Variants in MYH7B observed in about 807,000 individuals in gnomAD.
MYH7B encodes the protein myosin heavy chain 7B.
MYH7B carries 205 observed loss-of-function variants against 234.5 expected under a neutral mutation model. The observed-to-expected ratio is 0.87, with a 90% CI of 0.78 to 0.98. The LOEUF (loss-of-function observed/expected upper bound fraction) is 0.98. MYH7B is among the 50% of genes least tolerant of loss of function. MYH7B has a pLI of 0.00. For missense variants in MYH7B, 2,652 were observed against 2,633.4 expected, an observed-to-expected ratio of 1.01 and a Z score of -0.15; for synonymous variants, 1,193 against 1,105.0, an observed-to-expected ratio of 1.08 and a Z score of -1.58.
chr20:34,965,284 G>GGCATCAT (rs1309323662), intron 2 of MYH7B, among the ~76,000 whole-genome samples: 2 of 152,246 alleles, frequency 1.3e-5, no homozygotes, highest in East Asian at 3.8e-4. Context: ...AGAACTCTTA[G>GGCATCAT]GCATCATGCT....
At chr20:34,983,910 G>A (rs547563605) in intron 10 of MYH7B, among the ~76,000 whole-genome samples, 9 of 152,316 alleles carry the variant, frequency 5.9e-5, no homozygotes, top group Admixed American at 3.3e-4. Context: ...CCCAGCATCC[G>A]GAGTAGGGAA....
At chr20:34,979,268 G>A (rs1020082156) in intron 5 of MYH7B, 122 bp from the exon 6 acceptor site, 4 of 708,412 alleles carry the variant, frequency 5.6e-6, no homozygotes, top group African/African-American at 5.4e-5. Context: ...GAACTCCTGG[G>A]TCCTGGCAGA....
At chr20:34,994,954 G>A (rs2082225041) in intron 27 of MYH7B, among the ~76,000 whole-genome samples, 1 of 152,204 alleles carries the variant, frequency 6.6e-6, no homozygotes, top group Non-Finnish European at 1.5e-5. Flanking sequence ...GGAAATGGGG[G>A]GTAAGGATAC....
At chr20:34,957,124 G>A (rs2081645653) in intron 1 of MYH7B, among the ~76,000 whole-genome samples, 1 of 152,192 alleles carries the variant, frequency 6.6e-6, no homozygotes, top group African/African-American at 2.4e-5. Context: ...CAGACACTGA[G>A]GAGTTTGGTG....
At chr20:34,982,281 T>C (rs1330071602) in intron 9 of MYH7B, among the ~76,000 whole-genome samples, 178 bp from the exon 10 acceptor site, 2 of 151,952 alleles carry the variant, frequency 1.3e-5, no homozygotes, top group East Asian at 3.9e-4. Flanking sequence ...TGTGTTGTCA[T>C]CTCACAGGGA....
chr20:34,989,482 G>T (rs1241366466), intron 19 of MYH7B, among the ~76,000 whole-genome samples: 3 of 152,116 alleles, frequency 2.0e-5, no homozygotes, highest in Non-Finnish European at 4.4e-5. Context: ...TGCCAGCTTG[G>T]GTTTGCCATT....
At chr20:34,997,523 G>A (rs1229325490) in exon 32 of MYH7B, 2 of 1,605,448 alleles carry the variant, frequency 1.2e-6, no homozygotes, top group African/African-American at 1.3e-5. Context: ...CGGCGGAGCT[G>A]GGGGAGCAGG....
intron 5 of MYH7B, among the ~76,000 whole-genome samples, chr20:34,978,750 G>A (rs2081896020): frequency 6.6e-6 from 1 of 152,158 alleles, no homozygotes; most frequent in Non-Finnish European, 1.5e-5. Context: ...TTTTCAACAA[G>A]GGGACCCACA....
At chr20:34,980,386 T>C (rs2081923780) in intron 7 of MYH7B, 192 bp from the exon 8 acceptor site, 3 of 575,964 alleles carry the variant, frequency 5.2e-6, no homozygotes, top group African/African-American at 3.7e-5. Context: ...CCGTCTGTAC[T>C]AAAAATACAA....
chr20:35,001,070 C>G, exon 41 of MYH7B: 4 of 1,613,796 alleles, frequency 2.5e-6, no homozygotes, highest in Non-Finnish European at 3.4e-6. Flanking sequence ...CTGGAGCAGA[C>G]GGTGCGCGAG....
Position 34,990,587 on chromosome 20 carries a change from G to A in MYH7B, c.1978-151G>A. ...ACTTTGGTGGTGGTGATGGGAGACA[G>A]CGAAGGGTCTCCCATCACCAGAATG... On this transcript the variant is annotated intron_variant, in intron 22 of 44. Transcript: ENST00000262873. 3 of 775,432 alleles carry A rather than the reference G, an allele frequency of 3.9e-6. No homozygotes were observed. In the East Asian group the frequency reaches 7.5e-5, roughly 19 times the overall value. The allele number at this position is 775,432 out of a possible 1,614,324, so 48.0% of individuals were successfully genotyped here.
intron 2 of MYH7B, among the ~76,000 whole-genome samples, chr20:34,971,379 C>G (rs748352494): frequency 1.3e-5 from 2 of 152,132 alleles, no homozygotes; most frequent in Non-Finnish European, 1.5e-5. Flanking sequence ...AGATGGGGGA[C>G]AGCTGGTTCC....
chr20:34,986,511 G>A (rs990856850), intron 14 of MYH7B, among the ~76,000 whole-genome samples: 7 of 152,204 alleles, frequency 4.6e-5, no homozygotes, highest in Admixed American at 1.3e-4. Context: ...TCTCCTCTCT[G>A]GCAAGCCCGT....
At chr20:34,980,647 G>A (rs777846835) in exon 8 of MYH7B, 3 of 1,614,204 alleles carry the variant, frequency 1.9e-6, no homozygotes, top group Non-Finnish European at 2.5e-6. Context: ...GGCCTCCGTA[G>A]TGGCTGCTTA....
intron 9 of MYH7B, chr20:34,981,479 T>G: frequency 4.6e-6 from 1 of 216,242 alleles, no homozygotes; most frequent in Non-Finnish European, 9.1e-6. Context: ...AGAATAATTC[T>G]TACATGCCAG....
Position 34,986,966 on chromosome 20 carries a change from G to A in MYH7B, c.985G>A (p.Gly329Arg), listed in dbSNP as rs78294844. 1.9e-6 allele frequency: 3 copies of A among 1,613,906 alleles called. No individual in the cohort carries two copies. In the African/African-American group the frequency reaches 4.0e-5, roughly 22 times the overall value. Reference sequence around the variant, plus strand: ...CATCACCGTGGACAACATGAATGATGGGGAGGAGCTCATCGCCACCGACGT... The same window carrying A: ...CATCACCGTGGACAACATGAATGATAGGGAGGAGCTCATCGCCACCGACGT... The change falls in exon 15 of 45, where the codon GGG (glycine) becomes AGG (arginine). Residue 329 changes from glycine to arginine, a missense_variant. Coordinates refer to ENST00000262873, the Ensembl canonical transcript of MYH7B.
In MYH7B at chr20:34,999,154, CAG is replaced by C. The variant is rs773607657; in HGVS notation, c.4292_4293del (p.Glu1431ValfsTer69). On this transcript the variant is annotated frameshift_variant, in exon 36 of 45. Coordinates refer to ENST00000262873, the Ensembl canonical transcript of MYH7B. LOFTEE classifies it high-confidence loss of function. ...GAGAAGGCCAAGCTGCGGCTACAGA[CAG>C]AGTCAGAGGATGTAACCCTGGAGCT... 19 of 1,613,534 alleles carry C rather than the reference CAG, an allele frequency of 1.2e-5. No homozygotes were observed. Among genetic ancestry groups the C allele is most frequent in the East Asian group, 4.5e-5 (2 of 44,892 alleles).
At chr20:34,986,690 T>C (rs6119558) in intron 14 of MYH7B, among the ~76,000 whole-genome samples, 196 bp from the exon 15 acceptor site, 89,267 of 152,080 alleles carry the variant, frequency 0.59, 27,148 homozygotes, top group Middle Eastern at 0.73. Context: ...GTCAGGGCCC[T>C]TCACTCTCAG....
In MYH7B at chr20:34,967,993, G is replaced by A. The variant is rs73272727; in HGVS notation, c.-221-7407G>A. Among the ~76,000 whole-genome samples, 917 of 152,292 alleles carry A rather than the reference G, an allele frequency of 6.0e-3. 15 individuals are homozygous for A. The highest frequency in any genetic ancestry group is 0.02 in the African/African-American group (824 of 41,564). On this transcript the variant is annotated intron_variant, in intron 2 of 44. Transcript: ENST00000262873. The stretch of plus-strand genomic sequence containing the variant: ...CAGAGTGGCAGACCCAAGGCTTCCC[G>A]CCATAGTACCCCAACACCCACAGAG...
Sources: gnomAD v4.1 joint callset for allele counts (sites outside exome capture counted in the v4.1 genomes callset) on GRCh38, gnomAD v4.1.1 for gene constraint, MANE v1.5 for transcripts, NCBI Gene and HGNC (gene_info 2026-07-23, HGNC 2026-07-21) for gene names.